Variants in CYP11B2 observed in about 807,000 individuals in gnomAD.
CYP11B2 encodes the protein cytochrome P450 family 11 subfamily B member 2, also known as cytochrome P450 11B2, mitochondrial.
Under a neutral mutation model 49.3 loss-of-function variants are expected in CYP11B2, and 38 were observed. The ratio of observed to expected loss-of-function variants is 0.77; its 90% CI spans 0.59 to 1.01. The LOEUF (loss-of-function observed/expected upper bound fraction) is 1.01. CYP11B2 is among the 50% of genes least tolerant of loss of function. The pLI is 0.00. For missense variants in CYP11B2, 669 were observed against 655.5 expected (o/e 1.02, Z -0.23); for synonymous variants, 290 against 269.3 (o/e 1.08, Z -0.75).
chr8:142,917,541 G>T (rs1219422952), intron 1 of CYP11B2, 61 bp downstream of exon 1: 11 of 1,613,548 alleles, frequency 6.8e-6, no homozygotes, highest in Non-Finnish European at 9.3e-6. Flanking sequence ...TGCCTGGCAG[G>T]GTCCTGGGCA....
chr8:142,914,738 G>T lies in CYP11B2; in HGVS notation c.766C>A (p.His256Asn), dbSNP rs772261138. 3.7e-6 allele frequency: 6 copies of T among 1,612,718 alleles called. No individual in the cohort carries two copies. In the African/African-American group the frequency reaches 6.7e-5, roughly 18 times the overall value. The change falls in exon 4 of 9, where the codon CAC (histidine) becomes AAC (asparagine). Residue 256 changes from histidine to asparagine, a missense_variant. Transcript: ENST00000323110. The stretch of plus-strand genomic sequence containing the variant: ...AAGATGCAGTCCCAGGCCTCAAAGT[G>T]CTCCTTCCACACCTTGGGGCTGATC... ...RWISPKVWKE[H>N]FEAWDCIFQY...
intron 1 of CYP11B2, 138 bp downstream of exon 1, chr8:142,917,464 C>T: frequency 6.2e-7 from 1 of 1,610,094 alleles, no homozygotes; most frequent in Non-Finnish European, 8.5e-7. Context: ...CCAGCATGTG[C>T]TGCACTCCTT....
chr8:142,914,923 C>T lies in CYP11B2; in HGVS notation c.596-15G>A, dbSNP rs1350235377. ...TAAGTTGCTGGCTGCGGGGAGGATG[C>T]ACTGCTGAGCACAAGGCAGCCCCAG... On this transcript the variant is annotated splice_polypyrimidine_tract_variant and intron_variant, in intron 3 of 8. Coordinates refer to ENST00000323110, the MANE Select transcript of CYP11B2 (RefSeq NM_000498.3). The T allele has an allele frequency of 6.2e-7, 1 of 1,613,172 alleles. No individual in the cohort carries two copies. The highest frequency in any genetic ancestry group is 1.7e-5 in the Admixed American group (1 of 59,918).
intron 5 of CYP11B2, among the ~76,000 whole-genome samples, 153 bp from the exon 6 acceptor site, chr8:142,913,604 C>T (rs1817581668): frequency 6.6e-6 from 1 of 152,120 alleles, no homozygotes; most frequent in Non-Finnish European, 1.5e-5. Flanking sequence ...ACCTTGATGA[C>T]CACTTGGGCC....
At chr8:142,914,178 G>A (rs545378896) in intron 5 of CYP11B2, 86 bp downstream of exon 5, 583 of 1,490,438 alleles carry the variant, frequency 3.9e-4, no homozygotes, top group Non-Finnish European at 4.9e-4. Context: ...GATGGGGAAC[G>A]TGGGTGCCGT....
chr8:142,914,185 C>T (rs1817593605), intron 5 of CYP11B2, 79 bp downstream of exon 5: 3 of 1,534,296 alleles, frequency 2.0e-6, no homozygotes, highest in South Asian at 1.1e-5. Flanking sequence ...AACGTGGGTG[C>T]CGTGTGGCAT....
rs748891632 is a variant in CYP11B2, at chr8:142,912,788, G to T, written c.1200+19C>A. 4.3e-6 allele frequency: 7 copies of T among 1,613,508 alleles called. No homozygotes were observed. The African/African-American group carries it at 9.4e-5, about 22-fold the overall frequency. On this transcript the variant is annotated intron_variant, in intron 7 of 8. Coordinates refer to ENST00000323110, the MANE Select transcript of CYP11B2 (RefSeq NM_000498.3). Reference sequence around the variant, plus strand: ...TGGGGAGGGAGGTTCTCAGCTCGAGGGGTGTGGGGCTCACTCACCCCAGCT... The same window carrying T: ...TGGGGAGGGAGGTTCTCAGCTCGAGTGGTGTGGGGCTCACTCACCCCAGCT...
intron 2 of CYP11B2, 57 bp from the exon 3 acceptor site, chr8:142,915,302 C>T (rs1158608695): frequency 2.1e-6 from 3 of 1,450,844 alleles, no homozygotes; most frequent in South Asian, 1.2e-5. Flanking sequence ...AGGCCCTGAC[C>T]CGTATCCCAT....
chr8:142,913,172 TG>T, intron 6 of CYP11B2, 112 bp downstream of exon 6: 1 of 1,203,254 alleles, frequency 8.3e-7, no homozygotes, highest in Non-Finnish European at 1.2e-6. Context: ...TGCAGGGGAA[TG>T]GGCTGCTGGG....
rs752325788 is a variant in CYP11B2, at chr8:142,917,634, G to C, written c.207C>G (p.His69Gln). The C allele has an allele frequency of 6.2e-7, 1 of 1,614,244 alleles. No individual in the cohort carries two copies. The highest frequency in any genetic ancestry group is 8.5e-7 in the Non-Finnish European group (1 of 1,180,046). Reference protein sequence around the residue: ...QGYEHLHLEMHQTFQELGPIF... With the variant: ...QGYEHLHLEMQQTFQELGPIF... The stretch of plus-strand genomic sequence containing the variant: ...TGGGCCCCAGCTCCTGGAAGGTCTG[G>C]TGCATCTCCAGGTGCAGGTGCTCAT... Residue 69 changes from histidine to glutamine, a missense_variant, in exon 1 of 9, where the codon CAC (histidine) becomes CAG (glutamine). Transcript: ENST00000323110.
intron 5 of CYP11B2, 84 bp downstream of exon 5, chr8:142,914,179 TG>T (rs1228495995): frequency 4.0e-6 from 6 of 1,496,400 alleles, no homozygotes; most frequent in Non-Finnish European, 5.6e-6. Context: ...ATGGGGAACG[TG>T]GGTGCCGTGT....
chr8:142,912,995 C>T (rs1817568644), intron 6 of CYP11B2, 110 bp from the exon 7 acceptor site: 3 of 1,183,252 alleles, frequency 2.5e-6, no homozygotes, highest in Non-Finnish European at 3.6e-6. Flanking sequence ...CATGGGAAGC[C>T]CAGGTCGTAG....
At chr8:142,916,310 C>A in intron 2 of CYP11B2, 1 of 419,606 alleles carries the variant, frequency 2.4e-6, no homozygotes, top group Non-Finnish European at 4.8e-6. Context: ...TTACCTAAAC[C>A]CCACTATTCC....
In CYP11B2 at chr8:142,917,611, G is replaced by A. The variant is rs1817670347; in HGVS notation, c.230C>T (p.Pro77Leu). 6 of 1,614,096 alleles carry A rather than the reference G, an allele frequency of 3.7e-6. No homozygotes were observed. The highest frequency in any genetic ancestry group is 1.7e-5 in the Admixed American group (1 of 60,008). Residue 77 changes from proline to leucine, a missense_variant, in exon 1 of 9, where the codon CCC becomes CTC. Transcript: ENST00000323110. ...EMHQTFQELG[P>L]IFRYNLGGPR... ...CCAGGGAGGGCTTTACCTGAAAATG[G>A]GCCCCAGCTCCTGGAAGGTCTGGTG...
chr8:142,915,715 C>T (rs10086846), intron 2 of CYP11B2, among the ~76,000 whole-genome samples: 73,877 of 128,390 alleles, frequency 0.58, 30,109 homozygotes, highest in Non-Finnish European at 0.79. Flanking sequence ...GGGGCAGCAG[C>T]CTCTGCCTGT....
At chr8:142,916,672 C>T (rs12679242) in intron 2 of CYP11B2, among the ~76,000 whole-genome samples, 58,319 of 151,446 alleles carry the variant, frequency 0.39, 12,186 homozygotes, top group Non-Finnish European at 0.45. Flanking sequence ...CCAGGCTCAG[C>T]ACTCAGCCTG....
rs1020249255 is a variant in CYP11B2, at chr8:142,917,629, G to T, written c.212C>A (p.Thr71Asn). The change falls in exon 1 of 9, where the codon ACC becomes AAC. Residue 71 changes from threonine (T) to asparagine (N), a missense_variant. Physicochemically the swap from Thr to Asn is moderately conservative, Grantham distance 65. Coordinates refer to ENST00000323110, the MANE Select transcript of CYP11B2 (RefSeq NM_000498.3). ...GAAAATGGGCCCCAGCTCCTGGAAG[G>T]TCTGGTGCATCTCCAGGTGCAGGTG... ...YEHLHLEMHQ[T>N]FQELGPIFRY... is the part of the protein sequence containing the mutation. 22 of 1,614,128 alleles carry T rather than the reference G, an allele frequency of 1.4e-5. No individual in the cohort carries two copies. Among genetic ancestry groups the T allele is most frequent in the Non-Finnish European group, 5.9e-6 (7 of 1,180,046 alleles).
Position 142,914,947 on chromosome 8 carries a change from A to G in CYP11B2, c.596-39T>C, listed in dbSNP as rs6418. On this transcript the variant is annotated intron_variant, in intron 3 of 8. Transcript: ENST00000323110. ...GCACTGCTGAGCACAAGGCAGCCCC[A>G]GGCCTCCTGGCTGCCTCCCCACACT... is the stretch of plus-strand genomic sequence containing the variant. 0.45 allele frequency: 717,447 copies of G among 1,600,670 alleles called. 164,539 individuals are homozygous for G. The highest frequency in any genetic ancestry group is 0.48 in the Middle Eastern group (2,838 of 5,970).
At chr8:142,913,106 A>T (rs1817571305) in intron 6 of CYP11B2, among the ~76,000 whole-genome samples, 179 bp downstream of exon 6, 2 of 151,752 alleles carry the variant, frequency 1.3e-5, no homozygotes, top group African/African-American at 4.9e-5. Flanking sequence ...CAGGGTGTTG[A>T]AGAGGGATTC....
Sources: gnomAD v4.1 joint callset for allele counts (sites outside exome capture counted in the v4.1 genomes callset) on GRCh38, gnomAD v4.1.1 for gene constraint, MANE v1.5 for transcripts, NCBI Gene and HGNC (gene_info 2026-07-23, HGNC 2026-07-21) for gene names.